The following PHF20L1 variants were observed in gnomAD, a reference collection of about 807,000 sequenced individuals.
The protein encoded by PHF20L1 is PHD finger protein 20-like protein 1.
A neutral mutation model predicts 125.5 loss-of-function variants in PHF20L1; 44 were observed. That is an observed-to-expected ratio of 0.35 (90% CI 0.28 to 0.45). The LOEUF is 0.45. Ranked by LOEUF, PHF20L1 falls within the 20% of genes least tolerant of loss-of-function variation. The pLI is 1.00. For synonymous variants in PHF20L1, 380 were observed against 403.1 expected (o/e 0.94, Z 0.69); for missense variants, 1,012 against 1,217.2 (o/e 0.83, Z 2.51).
At chr8:132,827,995 A>C (rs918977633) in intron 14 of PHF20L1, among the ~76,000 whole-genome samples, 3 of 151,998 alleles carry the variant, frequency 2.0e-5, no homozygotes, top group Non-Finnish European at 4.4e-5. Flanking sequence ...TTATCTTAGA[A>C]ATGGCACTTT....
At chr8:132,843,383 A>G in intron 19 of PHF20L1, 1 of 979,620 alleles carries the variant, frequency 1.0e-6, no homozygotes, top group Non-Finnish European at 1.2e-6. Context: ...CACTGGGATT[A>G]TCTTAGAAAT....
intron 9 of PHF20L1, chr8:132,812,875 T>C: frequency 5.1e-6 from 5 of 980,836 alleles, no homozygotes; most frequent in Non-Finnish European, 6.1e-6. Flanking sequence ...ACTGTGCTAA[T>C]GGACTTATTT....
intron 1 of PHF20L1, among the ~76,000 whole-genome samples, chr8:132,776,805 A>G (rs958943673): frequency 6.6e-6 from 1 of 152,236 alleles, no homozygotes; most frequent in African/African-American, 2.4e-5. Context: ...AAATACCGAA[A>G]GACATTTTAC....
chr8:132,808,506 T>A (rs1025816068), intron 8 of PHF20L1: 85 of 152,196 alleles, frequency 5.6e-4, no homozygotes, highest in African/African-American at 2.0e-3. Context: ...ATATAATATA[T>A]TGAATAGCAA....
At chr8:132,801,250 C>T (rs1833011736) in intron 6 of PHF20L1, among the ~76,000 whole-genome samples, 1 of 151,646 alleles carries the variant, frequency 6.6e-6, no homozygotes, top group African/African-American at 2.4e-5. Flanking sequence ...TAATGGTTGG[C>T]TTATAGGTCC....
chr8:132,783,205 A>G (rs1232331373), intron 2 of PHF20L1, among the ~76,000 whole-genome samples: 1 of 152,218 alleles, frequency 6.6e-6, no homozygotes, highest in Non-Finnish European at 1.5e-5. Flanking sequence ...TTTCTATTTA[A>G]TTCTCTTCTA....
intron 12 of PHF20L1, among the ~76,000 whole-genome samples, chr8:132,823,042 C>T (rs921448452): frequency 3.3e-5 from 5 of 151,808 alleles, no homozygotes; most frequent in African/African-American, 1.2e-4. Context: ...GTGTCAGCTG[C>T]ACAGTAATTA....
intron 14 of PHF20L1, among the ~76,000 whole-genome samples, chr8:132,828,925 G>A (rs1836483519): frequency 6.6e-6 from 1 of 152,076 alleles, no homozygotes; most frequent in Non-Finnish European, 1.5e-5. Context: ...AGAGAGATAA[G>A]CATACATAAA....
intron 12 of PHF20L1, among the ~76,000 whole-genome samples, chr8:132,820,222 A>C (rs1419159372): frequency 1.3e-5 from 2 of 151,960 alleles, no homozygotes; most frequent in African/African-American, 4.8e-5. Context: ...TCACAGAGCC[A>C]GCCAATTTTA....
Position 132,844,259 on chromosome 8 carries a change from T to C in PHF20L1, c.2852T>C (p.Ile951Thr). 4 of 1,612,528 alleles carry C rather than the reference T, an allele frequency of 2.5e-6. No individual in the cohort carries two copies. Among genetic ancestry groups the C allele is most frequent in the African/African-American group, 1.3e-5 (1 of 74,888 alleles). ...LQWQLNLLTH[I>T]ENVQNEVTSR... The stretch of plus-strand genomic sequence containing the variant: ...TGGCAGCTCAATCTCCTTACACACA[T>C]AGAAAATGTGCAGAACGAAGTTACC... The change falls in exon 20 of 21, where the codon ATA becomes ACA. Residue 951 changes from isoleucine to threonine, a missense_variant. Coordinates refer to ENST00000395386, the MANE Select transcript of PHF20L1 (RefSeq NM_016018.5).
Position 132,814,714 on chromosome 8 carries a change from A to G in PHF20L1, c.1008A>G (p.Ala336=), listed in dbSNP as rs1206043138. Reference sequence around the variant, plus strand: ...GTTCTGCCAACACTCAGAAACCTGCACTGTTATCCTCAACTTTGTCTTCAG... The same window carrying G: ...GTTCTGCCAACACTCAGAAACCTGCGCTGTTATCCTCAACTTTGTCTTCAG... ...ISSSANTQKP[A]LLSSTLSSGK... The change falls in exon 10 of 21, where the codon GCA becomes GCG. Residue 336 remains alanine, a synonymous_variant. Coordinates refer to ENST00000395386, the MANE Select transcript of PHF20L1 (RefSeq NM_016018.5). 1 of 1,612,706 alleles carries G rather than the reference A, an allele frequency of 6.2e-7. No individual in the cohort carries two copies. Among genetic ancestry groups the G allele is most frequent in the South Asian group, 1.1e-5 (1 of 91,008 alleles).
intron 14 of PHF20L1, among the ~76,000 whole-genome samples, chr8:132,827,250 A>C (rs1051659633): frequency 6.6e-6 from 1 of 151,910 alleles, no homozygotes; most frequent in East Asian, 1.9e-4. Flanking sequence ...AACAAAAACT[A>C]TTCACTGTGA....
chr8:132,801,576 C>T (rs1429973673), intron 6 of PHF20L1, among the ~76,000 whole-genome samples: 1 of 151,664 alleles, frequency 6.6e-6, no homozygotes, highest in Non-Finnish European at 1.5e-5. Context: ...TGAAGCTTTT[C>T]TATAGAAGGA....
intron 2 of PHF20L1, among the ~76,000 whole-genome samples, chr8:132,781,474 G>T (rs544996541): frequency 6.6e-6 from 1 of 151,948 alleles, no homozygotes; most frequent in African/African-American, 2.4e-5. Context: ...ATTCAGTGGC[G>T]CAATCTTGGC....
intron 12 of PHF20L1, among the ~76,000 whole-genome samples, chr8:132,819,911 C>T (rs180843752): frequency 1.3e-5 from 2 of 151,980 alleles, no homozygotes; most frequent in African/African-American, 4.8e-5. Flanking sequence ...AATTGTTCAA[C>T]ATGGTTAGGT....
At chr8:132,819,816 G>A (rs959478993) in intron 12 of PHF20L1, among the ~76,000 whole-genome samples, 6 of 151,660 alleles carry the variant, frequency 4.0e-5, no homozygotes, top group South Asian at 4.2e-4. Context: ...TTTACAGTTC[G>A]TCAGAGACAT....
intron 9 of PHF20L1, chr8:132,811,489 T>G (rs1043626042): frequency 3.3e-5 from 33 of 994,084 alleles, no homozygotes; most frequent in Non-Finnish European, 3.7e-5. Context: ...GAATAAAGCT[T>G]CTTTTGTAAG....
At chr8:132,802,117 C>T (rs1211621043) in intron 6 of PHF20L1, among the ~76,000 whole-genome samples, 1 of 150,364 alleles carries the variant, frequency 6.7e-6, no homozygotes, top group African/African-American at 2.4e-5. Context: ...TTTCTCTTCC[C>T]ACTTTGTTGA....
chr8:132,804,490 C>G (rs1833455153), intron 7 of PHF20L1, 125 bp from the exon 8 acceptor site: 1 of 618,560 alleles, frequency 1.6e-6, no homozygotes, highest in Non-Finnish European at 2.8e-6. Flanking sequence ...TTTCAAAGGT[C>G]TGTATCAAGT....
Sources: allele counts gnomAD v4.1 joint callset (sites outside exome capture counted in the v4.1 genomes callset), GRCh38; gene constraint gnomAD v4.1.1; transcripts MANE v1.5; gene names NCBI Gene and HGNC (gene_info 2026-07-23, HGNC 2026-07-21).